The following ARIH1 variants were observed in gnomAD, a reference collection of about 807,000 sequenced individuals.
ARIH1 encodes the protein ariadne RBR E3 ubiquitin protein ligase 1, also known as E3 ubiquitin-protein ligase ARIH1.
Under a neutral mutation model 85.0 loss-of-function variants are expected in ARIH1, and 8 were observed. The observed-to-expected ratio is 0.09, with a 90% CI of 0.06 to 0.17. The LOEUF is 0.17. ARIH1 is among the 10% of genes least tolerant of loss of function. The pLI is 1.00. For missense variants in ARIH1, 311 were observed against 718.1 expected, an observed-to-expected ratio of 0.43 and a Z score of 6.48; for synonymous variants, 238 against 253.6, an observed-to-expected ratio of 0.94 and a Z score of 0.59.
chr15:72,490,791 A>C (rs1358746245), intron 1 of ARIH1, among the ~76,000 whole-genome samples: 1 of 152,094 alleles, frequency 6.6e-6, no homozygotes, highest in African/African-American at 2.4e-5. Context: ...ACTTAGCCAA[A>C]CATGTTTTGA....
At chr15:72,572,813 C>A (rs937368907) in intron 11 of ARIH1, among the ~76,000 whole-genome samples, 4 of 152,068 alleles carry the variant, frequency 2.6e-5, no homozygotes, top group Non-Finnish European at 5.9e-5. Context: ...TTTTTTTAAA[C>A]CTTTTTGTTC....
At position 72,582,198 on chromosome 15, in the gene ARIH1, T is replaced by C. The variant is rs2064297779; in HGVS notation, c.1589+11T>C. 2.5e-6 allele frequency: 4 copies of C among 1,584,284 alleles called. No individual in the cohort carries two copies. Among genetic ancestry groups the C allele is most frequent in the African/African-American group, 2.7e-5 (2 of 73,814 alleles). On this transcript the variant is annotated intron_variant, in intron 13 of 13. Coordinates refer to ENST00000379887, the MANE Select transcript of ARIH1 (RefSeq NM_005744.5). The surrounding 1 kb of genome is among the most constrained non-coding windows in gnomAD (Gnocchi z 4.6). ...ACAAGACAAGTACAGGTAATTTTTT[T>C]TTAAGCTGTTGAATAAAACTTTCTG...
chr15:72,563,910 G>C (rs1029906331), intron 7 of ARIH1, among the ~76,000 whole-genome samples: 1 of 152,130 alleles, frequency 6.6e-6, no homozygotes, highest in African/African-American at 2.4e-5. Flanking sequence ...GAGTTTTCCT[G>C]TGGCTCCTCT....
chr15:72,587,296 G>A lies in ARIH1; in HGVS notation c.*4004G>A, dbSNP rs752489103. The stretch of plus-strand genomic sequence containing the variant: ...TGACCTAGTATTCTGTACCAGGGAA[G>A]GTAGTTCTTAACTATATTGTACTTT... On this transcript the variant is annotated 3_prime_UTR_variant, in exon 14 of 14. Transcript: ENST00000379887. 6.7e-6 allele frequency: 3 copies of A among 448,898 alleles called. No individual in the cohort carries two copies. Among genetic ancestry groups the A allele is most frequent in the African/African-American group, 2.7e-5 (1 of 37,732 alleles). 27.8% of individuals were successfully genotyped at this position (448,898 alleles called of 1,614,324 possible).
At chr15:72,548,641 T>C (rs2064139749) in intron 3 of ARIH1, among the ~76,000 whole-genome samples, 1 of 152,210 alleles carries the variant, frequency 6.6e-6, no homozygotes, top group African/African-American at 2.4e-5. Context: ...TTCCTCATAA[T>C]TTTTAGACTC....
At chr15:72,566,702 A>T (rs1174334044) in intron 8 of ARIH1, 97 bp downstream of exon 8, 1 of 1,052,032 alleles carries the variant, frequency 9.5e-7, no homozygotes, top group Non-Finnish European at 1.4e-6. Context: ...CTATCTATTG[A>T]TAGATTTTTT....
chr15:72,537,795 CTT>C (rs2064089387), intron 2 of ARIH1, among the ~76,000 whole-genome samples: 1 of 152,084 alleles, frequency 6.6e-6, no homozygotes, highest in African/African-American at 2.4e-5. Flanking sequence ...ATAATTGTGA[CTT>C]TTGTAGTATT....
intron 1 of ARIH1, among the ~76,000 whole-genome samples, chr15:72,476,917 G>T (rs1019213859): frequency 6.6e-6 from 1 of 152,264 alleles, no homozygotes; most frequent in East Asian, 1.9e-4. Flanking sequence ...GAACTTATAT[G>T]ATTATAGATC....
chr15:72,527,327 T>TAA (rs998848471), intron 2 of ARIH1, among the ~76,000 whole-genome samples: 4 of 152,174 alleles, frequency 2.6e-5, no homozygotes, highest in Non-Finnish European at 5.9e-5. Context: ...ACACCACAAC[T>TAA]AATACCTCTG....
At chr15:72,481,961 C>T (rs912833161) in intron 1 of ARIH1, among the ~76,000 whole-genome samples, 1 of 152,056 alleles carries the variant, frequency 6.6e-6, no homozygotes, top group Non-Finnish European at 1.5e-5. Context: ...TTCAGCCTCC[C>T]GAGTAGCTGG....
Position 72,582,265 on chromosome 15 carries a change from C to A in ARIH1, c.1589+78C>A. The A allele has an allele frequency of 2.0e-6, 2 of 976,532 alleles. No homozygotes were observed. Among genetic ancestry groups the A allele is most frequent in the Non-Finnish European group, 1.6e-6 (1 of 639,454 alleles). 60.5% of individuals were successfully genotyped at this position (976,532 alleles called of 1,614,324 possible). Reference sequence around the variant, plus strand: ...CTGGTAAAGTTCAGTGATAGTGAAACTGGGTTTAGCATATCCAGCAACTGA... The same window carrying A: ...CTGGTAAAGTTCAGTGATAGTGAAAATGGGTTTAGCATATCCAGCAACTGA... On this transcript the variant is annotated intron_variant, in intron 13 of 13. Transcript: ENST00000379887. The surrounding 1 kb of genome is among the most constrained non-coding windows in gnomAD (Gnocchi z 4.6).
intron 1 of ARIH1, among the ~76,000 whole-genome samples, chr15:72,502,308 C>T (rs959160881): frequency 6.6e-6 from 1 of 152,074 alleles, no homozygotes; most frequent in African/African-American, 2.4e-5. Context: ...GAAGTAATTT[C>T]CCTCATAAAA....
At chr15:72,522,427 C>T (rs1044528461) in intron 2 of ARIH1, among the ~76,000 whole-genome samples, 8 of 151,824 alleles carry the variant, frequency 5.3e-5, no homozygotes, top group African/African-American at 1.2e-4. Context: ...AGCTGAGGCA[C>T]GAAAATGGCT....
At chr15:72,528,278 A>G (rs2064039142) in intron 2 of ARIH1, among the ~76,000 whole-genome samples, 1 of 152,196 alleles carries the variant, frequency 6.6e-6, no homozygotes, top group Admixed American at 6.5e-5. Flanking sequence ...GACAGGTATA[A>G]TTAAAGAATC....
Position 72,594,911 on chromosome 15 carries a change from T to C in ARIH1, c.*11619T>C, listed in dbSNP as rs2064357823. 6.6e-6 allele frequency: 1 copy of C among 150,654 alleles called. No individual in the cohort carries two copies. The highest frequency in any genetic ancestry group is 2.1e-4 in the South Asian group (1 of 4,742). 9.3% of individuals were successfully genotyped at this position (150,654 alleles called of 1,614,324 possible). On this transcript the variant is annotated 3_prime_UTR_variant, in exon 14 of 14. Transcript: ENST00000379887. ...TGAGAGCAGACACCTTGCCTTGTTTTCTTAATCTTAGGGATAAAGATTTTA... is the reference window on the plus strand; with the variant it reads ...TGAGAGCAGACACCTTGCCTTGTTTCCTTAATCTTAGGGATAAAGATTTTA...
rs140566718 is a variant in ARIH1 at position 72,517,224 on chromosome 15, T to C, written c.376-843T>C. On this transcript the variant is annotated intron_variant, in intron 1 of 13. Transcript: ENST00000379887. Reference sequence around the variant, plus strand: ...AATATCTCTGAAGTATCCTTCTAACTTAAAAGTGATTTGAACTCATTTGAA... The same window carrying C: ...AATATCTCTGAAGTATCCTTCTAACCTAAAAGTGATTTGAACTCATTTGAA... 1.4e-3 allele frequency among the ~76,000 whole-genome samples: 212 copies of C among 152,330 alleles called. 1 individual carries two copies. The highest frequency in any genetic ancestry group is 5.0e-3 in the African/African-American group (207 of 41,578).
rs1227611451 is a variant in ARIH1 at position 72,601,488 on chromosome 15, C to T, written c.*18196C>T. 6.6e-6 allele frequency: 1 copy of T among 152,266 alleles called. No individual in the cohort carries two copies. 9.4% of individuals were successfully genotyped at this position (152,266 alleles called of 1,614,324 possible). ...AAACTGGCTGAGATTCTTCCATCCTCAGGGCCTTTGCACAAGTTCTTCCTT... is the reference window on the plus strand; with the variant it reads ...AAACTGGCTGAGATTCTTCCATCCTTAGGGCCTTTGCACAAGTTCTTCCTT... On this transcript the variant is annotated 3_prime_UTR_variant, in exon 14 of 14. Coordinates refer to ENST00000379887, the MANE Select transcript of ARIH1 (RefSeq NM_005744.5).
In ARIH1 at chr15:72,474,733, G is replaced by C; in HGVS notation, c.94G>C (p.Asp32His). 2.6e-6 allele frequency: 4 copies of C among 1,563,112 alleles called. No homozygotes were observed. The highest frequency in any genetic ancestry group is 3.5e-6 in the Non-Finnish European group (4 of 1,155,986). Reference sequence around the variant, plus strand: ...CGCCGAGGAGGAGGAGGACGAAGACGACGACGAGCCGGACGATGATACCCT... The same window carrying C: ...CGCCGAGGAGGAGGAGGACGAAGACCACGACGAGCCGGACGATGATACCCT... Reference protein sequence around the residue: ...SGAEEEEDEDDDEPDDDTLDL... With the variant: ...SGAEEEEDEDHDEPDDDTLDL... Residue 32 changes from aspartate to histidine, a missense_variant, in exon 1 of 14, where the codon GAC becomes CAC. Asp to His is a moderately conservative substitution (Grantham distance 81). Around this residue, in one of 3 missense-constraint regions of ARIH1, gnomAD observed 157 missense variants for 185.1 expected, o/e 0.85. Transcript: ENST00000379887.
At chr15:72,534,130 A>G (rs1282371897) in intron 2 of ARIH1, among the ~76,000 whole-genome samples, 2 of 152,196 alleles carry the variant, frequency 1.3e-5, no homozygotes. Flanking sequence ...AGTAATACCT[A>G]TCTACTATAT....
Sources: allele counts gnomAD v4.1 joint callset (sites outside exome capture counted in the v4.1 genomes callset), GRCh38; gene constraint gnomAD v4.1.1; regional missense constraint gnomAD v4.1.1; non-coding constraint Gnocchi (gnomAD v3.1); transcripts MANE v1.5; gene names NCBI Gene and HGNC (gene_info 2026-07-23, HGNC 2026-07-21).